Variants in PRELID2 observed in about 807,000 individuals in gnomAD.
PRELID2 encodes PRELI domain-containing protein 2.
PRELID2 carries 25 observed loss-of-function variants against 28.4 expected under a neutral mutation model. That is an observed-to-expected ratio of 0.88 (90% CI 0.64 to 1.23). The LOEUF (loss-of-function observed/expected upper bound fraction) is 1.23. PRELID2 is among the 50% of genes most tolerant of loss of function. The pLI is 0.00. For synonymous variants in PRELID2, 76 were observed against 71.6 expected (o/e 1.06, Z -0.31); for missense variants, 201 against 214.4 (o/e 0.94, Z 0.39).
the PRELID2 span, among the ~76,000 whole-genome samples, chr5:145,425,374 A>T: frequency 6.6e-6 from 1 of 152,228 alleles, no homozygotes; most frequent in Non-Finnish European, 1.5e-5. Flanking sequence ...AGAGACAGGA[A>T]TACCATTTGC....
chr5:145,439,771 T>G, the PRELID2 span, among the ~76,000 whole-genome samples: 1 of 152,060 alleles, frequency 6.6e-6, no homozygotes, highest in Non-Finnish European at 1.5e-5. Flanking sequence ...CCTTCTGTAC[T>G]CCTTACCTGG....
chr5:145,481,650 A>AAAAAAAAAAAAAAAAAAAAG (rs1752162758), intron 1 of PRELID2, among the ~76,000 whole-genome samples: 1 of 117,850 alleles, frequency 8.5e-6, no homozygotes, highest in Non-Finnish European at 1.8e-5. Context: ...AAAAAAAAAA[A>AAAAAAAAAAAAAAAAAAAAG]AAAGAAAGAA....
At chr5:145,276,433 T>C in the PRELID2 span, among the ~76,000 whole-genome samples, 2 of 152,124 alleles carry the variant, frequency 1.3e-5, no homozygotes, top group Non-Finnish European at 2.9e-5. Context: ...TAGAAAGCAA[T>C]TGCCTCCAAA....
chr5:145,412,028 G>T, the PRELID2 span, among the ~76,000 whole-genome samples: 18 of 152,076 alleles, frequency 1.2e-4, no homozygotes, highest in Non-Finnish European at 2.2e-4. Context: ...GGGGTCCCTG[G>T]GCCCAGGCCA....
At chr5:145,580,462 C>G (rs1447271214) in intron 1 of PRELID2, among the ~76,000 whole-genome samples, 1 of 152,154 alleles carries the variant, frequency 6.6e-6, no homozygotes, top group South Asian at 2.1e-4. Context: ...ATACCATTCC[C>G]TAACATGTGG....
At chr5:145,621,888 C>G (rs1255588924) in intron 1 of PRELID2, among the ~76,000 whole-genome samples, 1 of 152,038 alleles carries the variant, frequency 6.6e-6, no homozygotes, top group Non-Finnish European at 1.5e-5. Flanking sequence ...TGAATACACT[C>G]ATAACTCTAT....
intron 1 of PRELID2, among the ~76,000 whole-genome samples, chr5:145,693,447 C>G (rs902272634): frequency 6.7e-6 from 1 of 149,516 alleles, no homozygotes; most frequent in African/African-American, 2.5e-5. Flanking sequence ...TGCACCCAAC[C>G]AGAAATAATT....
chr5:145,667,214 T>C (rs79384581), intron 1 of PRELID2, among the ~76,000 whole-genome samples: 2,269 of 152,176 alleles, frequency 0.015, 59 homozygotes, highest in African/African-American at 0.052. Flanking sequence ...ATACCTTTAG[T>C]GGATATTTTT....
At chr5:145,567,802 C>A (rs1269444712) in intron 1 of PRELID2, among the ~76,000 whole-genome samples, 3 of 152,150 alleles carry the variant, frequency 2.0e-5, no homozygotes, top group African/African-American at 4.8e-5. Context: ...GAGGCCTCCC[C>A]AGCCATGTGG....
the PRELID2 span, among the ~76,000 whole-genome samples, chr5:145,233,606 C>T: frequency 6.6e-6 from 1 of 152,108 alleles, no homozygotes; most frequent in Non-Finnish European, 1.5e-5. Flanking sequence ...ATAGAGCAGA[C>T]TTGCCTCTTA....
intron 1 of PRELID2, among the ~76,000 whole-genome samples, chr5:145,689,583 A>C (rs1162993793): frequency 6.6e-6 from 1 of 152,212 alleles, no homozygotes; most frequent in Admixed American, 6.5e-5. Flanking sequence ...TATTCAACAC[A>C]TCAGAGGTTT....
intron 1 of PRELID2, among the ~76,000 whole-genome samples, chr5:145,606,908 A>AT (rs1753512857): frequency 6.6e-6 from 1 of 151,856 alleles, no homozygotes; most frequent in Non-Finnish European, 1.5e-5. Context: ...TTTATTACTG[A>AT]TTCAATTTTG....
At chr5:145,687,965 T>C (rs1755068188) in intron 1 of PRELID2, among the ~76,000 whole-genome samples, 1 of 152,236 alleles carries the variant, frequency 6.6e-6, no homozygotes, top group Admixed American at 6.5e-5. Context: ...TCCCAAGTCT[T>C]TGTTTCTTCA....
the PRELID2 span, among the ~76,000 whole-genome samples, chr5:145,460,777 C>T: frequency 6.6e-6 from 1 of 152,174 alleles, no homozygotes; most frequent in Non-Finnish European, 1.5e-5. Flanking sequence ...GCCCAAAGTC[C>T]ATGTTTTCTA....
chr5:145,246,007 A>G, the PRELID2 span, among the ~76,000 whole-genome samples: 1 of 152,090 alleles, frequency 6.6e-6, no homozygotes, highest in Non-Finnish European at 1.5e-5. Flanking sequence ...AATTGTCTTA[A>G]TTTGGGACAC....
At chr5:145,230,164 C>T in the PRELID2 span, 2 of 422,054 alleles carry the variant, frequency 4.7e-6, no homozygotes, top group African/African-American at 2.0e-5. Flanking sequence ...CAGCTGGCAA[C>T]CTAGTGGGGC....
chr5:145,604,668 GCTAAA>G (rs1302617374), intron 1 of PRELID2, among the ~76,000 whole-genome samples: 1 of 150,236 alleles, frequency 6.7e-6, no homozygotes, highest in Non-Finnish European at 1.5e-5. Flanking sequence ...TTTCACAATG[GCTAAA>G]CTAATTTACA....
chr5:145,449,098 G>A, the PRELID2 span, among the ~76,000 whole-genome samples: 1 of 152,068 alleles, frequency 6.6e-6, no homozygotes, highest in Non-Finnish European at 1.5e-5. Flanking sequence ...GTAACAAAAT[G>A]GCCAGCAACC....
the PRELID2 span, among the ~76,000 whole-genome samples, chr5:145,465,841 C>A: frequency 2.6e-5 from 4 of 152,022 alleles, no homozygotes; most frequent in Non-Finnish European, 5.9e-5. Flanking sequence ...GATCCCAGAG[C>A]CAGAGATGCA....
Sources: allele counts gnomAD v4.1 joint callset (sites outside exome capture counted in the v4.1 genomes callset), GRCh38; gene constraint gnomAD v4.1.1; transcripts MANE v1.5; gene names NCBI Gene and HGNC (gene_info 2026-07-23, HGNC 2026-07-21).